Variants in ZC3H18 observed in about 807,000 individuals in gnomAD.
ZC3H18 encodes the protein zinc finger CCCH-type containing 18, also known as zinc finger CCCH domain-containing protein 18.
A neutral mutation model predicts 106.1 loss-of-function variants in ZC3H18; 8 were observed. The ratio of observed to expected loss-of-function variants is 0.08; its 90% CI spans 0.04 to 0.14. The LOEUF (loss-of-function observed/expected upper bound fraction) is 0.14, where lower values mean the gene tolerates loss of function less well. Among genes scored for constraint, ZC3H18 ranks in the 10% least tolerant of loss-of-function variants. The pLI is 1.00. For synonymous variants in ZC3H18, 635 were observed against 522.1 expected (o/e 1.22, Z -2.95); for missense variants, 1,318 against 1,278.4 (o/e 1.03, Z -0.47).
chr16:88,610,998 A>G (rs1905241905), intron 7 of ZC3H18, among the ~76,000 whole-genome samples: 1 of 152,194 alleles, frequency 6.6e-6, no homozygotes. Context: ...GGTTTTTAAC[A>G]TTGTGTTTTA....
At chr16:88,619,134 C>G (rs1019603015) in intron 8 of ZC3H18, among the ~76,000 whole-genome samples, 1 of 152,008 alleles carries the variant, frequency 6.6e-6, no homozygotes, top group African/African-American at 2.4e-5. Flanking sequence ...ACTTGGTGCC[C>G]GGAGACTCGC....
At chr16:88,571,376 G>T (rs2142503731) in intron 1 of ZC3H18, among the ~76,000 whole-genome samples, 1 of 152,322 alleles carries the variant, frequency 6.6e-6, no homozygotes, top group Middle Eastern at 3.4e-3. Flanking sequence ...GGTGTAGCAA[G>T]GTGCTCATCA....
rs190135964 is a variant in ZC3H18, at chr16:88,576,157, T to C, written c.-14-953T>C. Reference sequence around the variant, plus strand: ...CCTCATGATCCACCTGCCTCGGGCCTCCCAAAGTGCTGGGATTACAGGTGT... The same window carrying C: ...CCTCATGATCCACCTGCCTCGGGCCCCCCAAAGTGCTGGGATTACAGGTGT... On this transcript the variant is annotated intron_variant, in intron 1 of 17. Transcript: ENST00000301011. Among the ~76,000 whole-genome samples the C allele has an allele frequency of 6.3e-3, 964 of 152,106 alleles. 8 individuals are homozygous for C. Among genetic ancestry groups the C allele is most frequent in the Non-Finnish European group, 0.01 (685 of 67,982 alleles).
At chr16:88,621,599 G>A (rs997649070) in intron 8 of ZC3H18, among the ~76,000 whole-genome samples, 12 of 151,628 alleles carry the variant, frequency 7.9e-5, no homozygotes, top group African/African-American at 2.7e-4. Context: ...CTCATGATCC[G>A]CCCACCTCAG....
At chr16:88,583,390 T>A (rs969952079) in intron 2 of ZC3H18, among the ~76,000 whole-genome samples, 8 of 152,238 alleles carry the variant, frequency 5.3e-5, no homozygotes, top group Admixed American at 4.6e-4. Flanking sequence ...GCTCATGTTT[T>A]AAGCACGGTG....
chr16:88,615,021 G>A (rs59568789), intron 8 of ZC3H18, among the ~76,000 whole-genome samples: 11 of 62,096 alleles, frequency 1.8e-4, no homozygotes, highest in African/African-American at 3.9e-4. Context: ...TTCCCTCTGC[G>A]TTTGACAGGC....
At chr16:88,628,430 G>A (rs1319905583) in intron 15 of ZC3H18, among the ~76,000 whole-genome samples, 2 of 152,152 alleles carry the variant, frequency 1.3e-5, no homozygotes, top group African/African-American at 2.4e-5. Flanking sequence ...CCTGTCCTCT[G>A]TCCTCAGCAG....
intron 3 of ZC3H18, among the ~76,000 whole-genome samples, chr16:88,588,373 C>T (rs527652848): frequency 1.3e-5 from 2 of 152,348 alleles, no homozygotes; most frequent in South Asian, 4.1e-4. Context: ...ATGGTTCCAA[C>T]TGCAGGAGGC....
intron 1 of ZC3H18, chr16:88,571,532 T>C: frequency 2.7e-6 from 2 of 736,828 alleles, no homozygotes; most frequent in Non-Finnish European, 3.3e-6. Context: ...ATAATTTTAC[T>C]ATCTAAGGGC....
chr16:88,614,959 C>T (rs965785987), intron 8 of ZC3H18, among the ~76,000 whole-genome samples: 20 of 151,904 alleles, frequency 1.3e-4, no homozygotes, highest in East Asian at 1.9e-4. Flanking sequence ...CCTGGACGGG[C>T]TGCCCCACCT....
intron 8 of ZC3H18, among the ~76,000 whole-genome samples, chr16:88,611,931 C>G (rs1173627720): frequency 6.6e-6 from 1 of 152,204 alleles, no homozygotes; most frequent in Non-Finnish European, 1.5e-5. Context: ...CAAAGCATGC[C>G]TGGCCCCCAG....
chr16:88,623,204 TC>T lies in ZC3H18; in HGVS notation c.1668-12del, dbSNP rs1160527301. The T allele has an allele frequency of 1.2e-6, 2 of 1,610,552 alleles. No individual in the cohort carries two copies. The highest frequency in any genetic ancestry group is 1.7e-6 in the Non-Finnish European group (2 of 1,179,546). The stretch of plus-strand genomic sequence containing the variant: ...CCTTCTCACTTCTCGCCACGCTCCG[TC>T]CCGCCCGCCCCAGGTCGTCTTCGCG... On this transcript the variant is annotated splice_polypyrimidine_tract_variant and intron_variant, in intron 9 of 17. Coordinates refer to ENST00000301011, the MANE Select transcript of ZC3H18 (RefSeq NM_144604.4).
In ZC3H18 at chr16:88,611,461, A is replaced by T. The variant is rs961601717; in HGVS notation, c.1400A>T (p.His467Leu). ...RAKRDEKDRQHRDRDREKERE... is the reference protein window; with the variant it reads ...RAKRDEKDRQLRDRDREKERE... ...AAGCGGGACGAGAAGGACCGGCAGC[A>T]CCGTGACCGCGACCGGGAGAAGGAG... is the stretch of plus-strand genomic sequence containing the variant. The change falls in exon 8 of 18, where the codon CAC (histidine) becomes CTC (leucine). Residue 467 changes from histidine to leucine, a missense_variant. His to Leu is a moderately conservative substitution (Grantham distance 99). Coordinates refer to ENST00000301011, the MANE Select transcript of ZC3H18 (RefSeq NM_144604.4). 6.5e-7 allele frequency: 1 copy of T among 1,540,934 alleles called. No individual in the cohort carries two copies. The highest frequency in any genetic ancestry group is 1.2e-5 in the South Asian group (1 of 83,838).
chr16:88,630,748 CACCCCCCA>C (rs1906618538), intron 17 of ZC3H18, among the ~76,000 whole-genome samples, 167 bp downstream of exon 17: 1 of 71,248 alleles, frequency 1.4e-5, no homozygotes, highest in African/African-American at 4.6e-5. Context: ...ATTGCAGCCC[CACCCCCCA>C]CCCCCCCCCA....
chr16:88,627,339 G>A lies in ZC3H18; in HGVS notation c.2109-283G>A, dbSNP rs1906373731. 1 of 322,586 alleles carries A rather than the reference G, an allele frequency of 3.1e-6. No individual in the cohort carries two copies. The highest frequency in any genetic ancestry group is 5.3e-5 in the East Asian group (1 of 18,996). 20.0% of individuals were successfully genotyped at this position (322,586 alleles called of 1,614,324 possible). A position where few individuals can be genotyped will look rare whatever the true frequency, so the allele number is the denominator to read the frequency against. On this transcript the variant is annotated intron_variant, in intron 13 of 17. Coordinates refer to ENST00000301011, the MANE Select transcript of ZC3H18 (RefSeq NM_144604.4). The surrounding 1 kb of genome is among the most constrained non-coding windows in gnomAD (Gnocchi z 4.5). ...GGTCTCAGACCCCATTGCTCGTGAC[G>A]AGATCTGCCCATCTCAGTCTCCCAG...
chr16:88,600,046 G>A (rs1904666455), intron 6 of ZC3H18, 98 bp downstream of exon 6: 3 of 1,452,736 alleles, frequency 2.1e-6, no homozygotes, highest in South Asian at 2.6e-5. Flanking sequence ...GCGCTCGGCT[G>A]AGACCCAGCC....
At chr16:88,584,102 T>C (rs536126008) in intron 2 of ZC3H18, among the ~76,000 whole-genome samples, 1 of 152,320 alleles carries the variant, frequency 6.6e-6, no homozygotes, top group South Asian at 2.1e-4. Context: ...TATTTTGTTA[T>C]TTACACATAT....
At position 88,586,697 on chromosome 16, in the gene ZC3H18, G is replaced by A. The variant is rs778175873; in HGVS notation, c.688+13G>A. ...TTCTTCATGAAAGGTAATTGTCTGC[G>A]TGTGAGGCCTTCTCGCAGCCAGCTG... On this transcript the variant is annotated intron_variant, in intron 3 of 17. Transcript: ENST00000301011. 13 of 1,612,956 alleles carry A rather than the reference G, an allele frequency of 8.1e-6. No individual in the cohort carries two copies. The highest frequency in any genetic ancestry group is 1.7e-4 in the Middle Eastern group (1 of 6,054).
chr16:88,577,101 CTT>C lies in ZC3H18; in HGVS notation c.-14-6_-14-5del. ...TAAAGGCTGTCAATCTGTATTCTCT[CTT>C]TTGCAGAACCGTGGGTACCGATGGA... On this transcript the variant is annotated splice_region_variant and splice_polypyrimidine_tract_variant and intron_variant, in intron 1 of 17. Coordinates refer to ENST00000301011, the MANE Select transcript of ZC3H18 (RefSeq NM_144604.4). 2 of 1,514,068 alleles carry C rather than the reference CTT, an allele frequency of 1.3e-6. No homozygotes were observed. The highest frequency in any genetic ancestry group is 1.8e-6 in the Non-Finnish European group (2 of 1,131,034). 93.8% of individuals were successfully genotyped at this position (1,514,068 alleles called of 1,614,324 possible).
Sources: gnomAD v4.1 joint callset for allele counts (sites outside exome capture counted in the v4.1 genomes callset) on GRCh38, gnomAD v4.1.1 for gene constraint, Gnocchi (gnomAD v3.1) non-coding constraint, MANE v1.5 for transcripts, NCBI Gene and HGNC (gene_info 2026-07-23, HGNC 2026-07-21) for gene names.